Variants in PLXDC2 observed in about 807,000 individuals in gnomAD.
The protein encoded by PLXDC2 is plexin domain containing 2.
Under a neutral mutation model 68.9 loss-of-function variants are expected in PLXDC2, and 40 were observed. The ratio of observed to expected loss-of-function variants is 0.58; its 90% CI spans 0.45 to 0.76. The LOEUF is 0.76. PLXDC2 is among the 30% of genes least tolerant of loss of function. The probability of loss-of-function intolerance (pLI) is 0.00; values close to 1 mark genes in which losing one functional copy is unlikely to be tolerated. For missense variants in PLXDC2, 644 were observed against 661.9 expected (o/e 0.97, Z 0.30); for synonymous variants, 243 against 234.2 (o/e 1.04, Z -0.34).
chr10:19,916,567 C>T (rs1377029440), intron 1 of PLXDC2, among the ~76,000 whole-genome samples: 2 of 152,026 alleles, frequency 1.3e-5, no homozygotes, highest in Admixed American at 6.6e-5. Flanking sequence ...TTTATAGGCA[C>T]TATGCTAAGC....
intron 1 of PLXDC2, among the ~76,000 whole-genome samples, chr10:19,993,928 A>G (rs1834794800): frequency 6.6e-6 from 1 of 152,226 alleles, no homozygotes; most frequent in South Asian, 2.1e-4. Context: ...ATAGGCCTGC[A>G]TGGTTCTAAT....
intron 6 of PLXDC2, among the ~76,000 whole-genome samples, chr10:20,162,115 G>T (rs1035576456): frequency 7.1e-6 from 1 of 141,286 alleles, no homozygotes; most frequent in African/African-American, 2.7e-5. Flanking sequence ...AAGGAAGGAA[G>T]GAAGGAAGGA....
chr10:20,272,333 G>A (rs1835950541), intron 13 of PLXDC2, among the ~76,000 whole-genome samples: 1 of 152,112 alleles, frequency 6.6e-6, no homozygotes, highest in Non-Finnish European at 1.5e-5. Flanking sequence ...TATTCTGAAT[G>A]TGGTTTCTGT....
intron 3 of PLXDC2, 133 bp from the exon 4 acceptor site, chr10:20,068,037 G>T (rs555920061): frequency 1.0e-5 from 7 of 693,252 alleles, no homozygotes; most frequent in African/African-American, 1.8e-5. Context: ...CGAGGACTCA[G>T]GTTTTAAAAG....
chr10:20,017,795 C>T lies in PLXDC2; in HGVS notation c.324+15809C>T, dbSNP rs376362227. Among the ~76,000 whole-genome samples the T allele has an allele frequency of 5.3e-4, 80 of 152,310 alleles. No homozygotes were observed. The South Asian group carries it at 0.016, about 31-fold the overall frequency. On this transcript the variant is annotated intron_variant, in intron 2 of 13. Coordinates refer to ENST00000377252, the MANE Select transcript of PLXDC2 (RefSeq NM_032812.9). ...GATCACTGCACTTACATTTGATGAG[C>T]AAATTCAAGTGGGCTTGGAGTCATG...
At chr10:20,131,445 G>A (rs986594399) in intron 4 of PLXDC2, among the ~76,000 whole-genome samples, 1 of 151,906 alleles carries the variant, frequency 6.6e-6, no homozygotes, top group Admixed American at 6.5e-5. Context: ...TGTTGCCCAG[G>A]CTGGAGTGCA....
intron 9 of PLXDC2, among the ~76,000 whole-genome samples, chr10:20,210,109 G>GC (rs1488614512): frequency 1.3e-5 from 2 of 152,126 alleles, no homozygotes; most frequent in East Asian, 3.9e-4. Context: ...CAATACAGTA[G>GC]CCCCCCTTCT....
chr10:20,136,902 T>C (rs1833941436), intron 4 of PLXDC2, among the ~76,000 whole-genome samples: 1 of 152,236 alleles, frequency 6.6e-6, no homozygotes, highest in Non-Finnish European at 1.5e-5. Flanking sequence ...CATCCTTTAT[T>C]ACTGTGACAC....
chr10:20,222,559 A>G (rs1351366310), intron 12 of PLXDC2, among the ~76,000 whole-genome samples: 2 of 152,216 alleles, frequency 1.3e-5, no homozygotes, highest in Admixed American at 1.3e-4. Flanking sequence ...TGGAAATTCT[A>G]AGCTCTCTAA....
chr10:20,120,178 T>C (rs1252239689), intron 4 of PLXDC2, among the ~76,000 whole-genome samples: 3 of 152,056 alleles, frequency 2.0e-5, no homozygotes, highest in Non-Finnish European at 4.4e-5. Flanking sequence ...GACAAGTTTT[T>C]TGGGGGCAGA....
intron 4 of PLXDC2, among the ~76,000 whole-genome samples, chr10:20,111,025 A>C (rs1833553642): frequency 6.6e-6 from 1 of 152,146 alleles, no homozygotes; most frequent in Non-Finnish European, 1.5e-5. Flanking sequence ...CCAAACAAAA[A>C]TAGTGTCTTT....
rs200401609 is a variant in PLXDC2, at chr10:20,141,355, T to A, written c.542-1940T>A. On this transcript the variant is annotated intron_variant, in intron 4 of 13. Coordinates refer to ENST00000377252, the MANE Select transcript of PLXDC2 (RefSeq NM_032812.9). ...AATGCTCTTACATTTTGCAACAGTGTATTTCTAGGGATTGCTGCTGTTCTT... is the reference window on the plus strand; with the variant it reads ...AATGCTCTTACATTTTGCAACAGTGAATTTCTAGGGATTGCTGCTGTTCTT... Among the ~76,000 whole-genome samples, 10 of 152,216 alleles carry A rather than the reference T, an allele frequency of 6.6e-5. No homozygotes were observed. The East Asian group carries it at 1.9e-3, about 29-fold the overall frequency.
chr10:20,119,698 G>T (rs929542383), intron 4 of PLXDC2, among the ~76,000 whole-genome samples: 1 of 152,046 alleles, frequency 6.6e-6, no homozygotes, highest in Non-Finnish European at 1.5e-5. Context: ...GAGAGATAAT[G>T]GGCGATGTTT....
intron 2 of PLXDC2, among the ~76,000 whole-genome samples, chr10:20,044,207 C>CTCTCTCTCTT (rs1564293827): frequency 6.7e-5 from 6 of 90,002 alleles, no homozygotes; most frequent in East Asian, 3.6e-4. Context: ...CTCTCTCTCT[C>CTCTCTCTCTT]TCTGTCTTTC....
chr10:20,275,679 G>A (rs1835997508), intron 13 of PLXDC2, among the ~76,000 whole-genome samples: 1 of 152,166 alleles, frequency 6.6e-6, no homozygotes, highest in African/African-American at 2.4e-5. Flanking sequence ...TTGGGAGGCT[G>A]AGGCGGGTGG....
At chr10:20,179,704 A>T (rs1440906169) in intron 9 of PLXDC2, among the ~76,000 whole-genome samples, 3 of 152,114 alleles carry the variant, frequency 2.0e-5, no homozygotes, top group Admixed American at 1.3e-4. Flanking sequence ...GACATTCGAA[A>T]CATATCTGCA....
intron 13 of PLXDC2, among the ~76,000 whole-genome samples, chr10:20,271,162 C>CACACACAA (rs1188149471): frequency 9.9e-5 from 15 of 151,814 alleles, no homozygotes; most frequent in Non-Finnish European, 2.9e-5. Context: ...CACACACACA[C>CACACACAA]ACAAACAGAG....
intron 1 of PLXDC2, among the ~76,000 whole-genome samples, chr10:19,962,103 G>A (rs1834163021): frequency 1.3e-5 from 2 of 152,032 alleles, no homozygotes; most frequent in Admixed American, 1.3e-4. Flanking sequence ...GATTTTTCTT[G>A]CCATAAAGCT....
rs567326770 is a variant in PLXDC2, at chr10:20,150,343, TG to T, written c.783+2442del. Among the ~76,000 whole-genome samples the T allele has an allele frequency of 6.4e-3, 982 of 152,306 alleles. 8 individuals carry two copies. Among genetic ancestry groups the T allele is most frequent in the Non-Finnish European group, 0.012 (823 of 68,026 alleles). ...ATACCCAGTAATGGGATTGCTGGCC[TG>T]AATGTAGTTTTACTGGTGAGGTTGT... On this transcript the variant is annotated intron_variant, in intron 6 of 13. Coordinates refer to ENST00000377252, the MANE Select transcript of PLXDC2 (RefSeq NM_032812.9).
Sources: gnomAD v4.1 joint callset for allele counts (sites outside exome capture counted in the v4.1 genomes callset) on GRCh38, gnomAD v4.1.1 for gene constraint, MANE v1.5 for transcripts, NCBI Gene and HGNC (gene_info 2026-07-23, HGNC 2026-07-21) for gene names.